The following FAM184A variants were observed in gnomAD, a reference collection of about 807,000 sequenced individuals.
The protein encoded by FAM184A is protein FAM184A.
FAM184A carries 99 observed loss-of-function variants against 143.8 expected under a neutral mutation model. The ratio of observed to expected loss-of-function variants is 0.69; its 90% CI spans 0.58 to 0.81. The LOEUF (loss-of-function observed/expected upper bound fraction) is 0.81, where lower values mean the gene tolerates loss of function less well. FAM184A is among the 40% of genes least tolerant of loss of function. The pLI is 0.00. For missense variants in FAM184A, 1,217 were observed against 1,310.5 expected (o/e 0.93, Z 1.10); for synonymous variants, 427 against 446.4 (o/e 0.96, Z 0.55).
At position 118,980,281 on chromosome 6, in the gene FAM184A, C is replaced by T. The variant is rs767951992; in HGVS notation, c.2158G>A (p.Ala720Thr). 3.0e-5 allele frequency: 48 copies of T among 1,614,082 alleles called. No individual in the cohort carries two copies. Among genetic ancestry groups the T allele is most frequent in the Non-Finnish European group, 3.8e-5 (45 of 1,180,008 alleles). ...CGCTGTCGTTCTTGCGTAAACTGGG[C>T]TTGCAGTTGTTGCAAAGAAGTCTGA... ...QSQTSLQQLQ[A>T]QFTQERQRLT... The change falls in exon 10 of 18, where the codon GCC becomes ACC. Residue 720 changes from alanine to threonine, a missense_variant. Ala to Thr is a moderately conservative substitution (Grantham distance 58, BLOSUM62 0). Transcript: ENST00000338891.
chr6:119,013,965 G>A (rs774838652), intron 5 of FAM184A, among the ~76,000 whole-genome samples: 2 of 152,182 alleles, frequency 1.3e-5, no homozygotes, highest in Non-Finnish European at 2.9e-5. Flanking sequence ...TTTGTAAACT[G>A]TAAAGTACCA....
chr6:119,085,806 A>C (rs1218209463), intron 1 of FAM184A, among the ~76,000 whole-genome samples: 1 of 152,212 alleles, frequency 6.6e-6, no homozygotes, highest in Non-Finnish European at 1.5e-5. Flanking sequence ...GGCCTCAGGA[A>C]ACTTGCAATC....
chr6:119,023,966 T>C lies in FAM184A; in HGVS notation c.1007A>G (p.Asn336Ser), dbSNP rs1346420673. 5.1e-6 allele frequency: 8 copies of C among 1,573,680 alleles called. No homozygotes were observed. Among genetic ancestry groups the C allele is most frequent in the Non-Finnish European group, 5.1e-6 (6 of 1,167,304 alleles). ...LQTALAIAEN[N>S]VQVLQKQLDD... ...ATAATATTCTTTACTTACCTGAACA[T>C]TGTTCTCTGCTATGGCAAGTGCCGT... The change falls in exon 2 of 18, where the codon AAT (asparagine) becomes AGT (serine). Residue 336 changes from asparagine (N) to serine (S), a missense_variant. Asn to Ser is a conservative substitution (Grantham distance 46). Coordinates refer to ENST00000338891, the MANE Select transcript of FAM184A (RefSeq NM_024581.6).
intron 1 of FAM184A, among the ~76,000 whole-genome samples, chr6:119,117,632 C>T (rs1789094653): frequency 1.3e-5 from 2 of 152,158 alleles, no homozygotes; most frequent in Admixed American, 1.3e-4. Flanking sequence ...TTATGAAGTA[C>T]TTTATCTTAG....
At position 119,024,727 on chromosome 6, in the gene FAM184A, T is replaced by C. The variant is rs774322951; in HGVS notation, c.246A>G (p.Gln82=). 54 of 1,613,846 alleles carry C rather than the reference T, an allele frequency of 3.3e-5. No homozygotes were observed. The South Asian group carries it at 5.9e-4, about 18-fold the overall frequency. ...LKDAHEEEIQ[Q]ILAETREKIL... ...TTTTTTCTCTTGTTTCAGCAAGAAT[T>C]TGTTGAATTTCTTCTTCATGAGCAT... The change falls in exon 2 of 18, where the codon CAA becomes CAG. Residue 82 remains glutamine (Q), a synonymous_variant. Transcript: ENST00000338891.
chr6:119,120,835 T>C (rs376706659), intron 1 of FAM184A, among the ~76,000 whole-genome samples: 1 of 145,210 alleles, frequency 6.9e-6, no homozygotes, highest in Non-Finnish European at 1.5e-5. Flanking sequence ...TTCCTTTCTT[T>C]CTTTCTTTCT....
chr6:119,054,566 C>T (rs1786887876), intron 1 of FAM184A, among the ~76,000 whole-genome samples: 1 of 152,176 alleles, frequency 6.6e-6, no homozygotes, highest in Non-Finnish European at 1.5e-5. Context: ...AATTCTATTA[C>T]ACTGGGGATT....
chr6:118,984,813 G>T (rs532995160), intron 9 of FAM184A, among the ~76,000 whole-genome samples: 1 of 152,156 alleles, frequency 6.6e-6, no homozygotes, highest in Admixed American at 6.5e-5. Context: ...AATCATCTCT[G>T]CAGATTTTCA....
chr6:119,072,391 A>G (rs1365882245), intron 1 of FAM184A, among the ~76,000 whole-genome samples: 2 of 152,224 alleles, frequency 1.3e-5, no homozygotes, highest in Admixed American at 1.3e-4. Flanking sequence ...GGCATGTACT[A>G]GTGCTAAGGT....
At chr6:119,033,664 C>CAAAAAA (rs532353203) in intron 1 of FAM184A, among the ~76,000 whole-genome samples, 1 of 110,230 alleles carries the variant, frequency 9.1e-6, no homozygotes, top group Non-Finnish European at 1.9e-5. Context: ...GACTCCGTCT[C>CAAAAAA]AAAAAAAAAA....
At position 119,011,314 on chromosome 6, in the gene FAM184A, G is replaced by C. The variant is rs1785081187; in HGVS notation, c.1648C>G (p.Gln550Glu). Reference protein sequence around the residue: ...VLEDKLNTANQEIGHLQDMVR... With the variant: ...VLEDKLNTANEEIGHLQDMVR... ...CAGGTCTAAAGAATTCTTGCCTCTT[G>C]ATTGGCTGTATTCAACTTGTCTTCC... The change falls in exon 6 of 18, where the codon CAA becomes GAA. Residue 550 changes from glutamine (Q) to glutamate (E), a missense_variant. Gln to Glu is a conservative substitution (Grantham distance 29). Transcript: ENST00000338891. The C allele has an allele frequency of 6.2e-7, 1 of 1,607,704 alleles. No individual in the cohort carries two copies. The highest frequency in any genetic ancestry group is 2.2e-5 in the East Asian group (1 of 44,466).
At chr6:119,020,355 T>C (rs1451188565) in intron 3 of FAM184A, among the ~76,000 whole-genome samples, 196 bp from the exon 4 acceptor site, 1 of 152,208 alleles carries the variant, frequency 6.6e-6, no homozygotes, top group Non-Finnish European at 1.5e-5. Flanking sequence ...ACTAGAATAA[T>C]TTAAATTAAA....
At chr6:119,058,351 C>T (rs899196164) in intron 1 of FAM184A, among the ~76,000 whole-genome samples, 1 of 151,836 alleles carries the variant, frequency 6.6e-6, no homozygotes, top group Non-Finnish European at 1.5e-5. Flanking sequence ...CAGGTGTGCG[C>T]CACCACATCT....
chr6:118,984,478 T>C (rs1784129311), intron 9 of FAM184A, among the ~76,000 whole-genome samples: 1 of 151,628 alleles, frequency 6.6e-6, no homozygotes. Flanking sequence ...GTGCCCAGCC[T>C]ACTTTTTACA....
intron 1 of FAM184A, among the ~76,000 whole-genome samples, chr6:119,115,970 A>ACACACACACACACAC (rs1789047606): frequency 7.3e-6 from 1 of 137,294 alleles, no homozygotes; most frequent in Non-Finnish European, 1.6e-5. Flanking sequence ...CTCCGTCTCA[A>ACACACACACACACAC]ACACACACAC....
At chr6:118,963,232 A>G (rs867442416) in intron 16 of FAM184A, 2 of 152,164 alleles carry the variant, frequency 1.3e-5, no homozygotes, top group South Asian at 2.1e-4. Context: ...TTAAGAAATC[A>G]AAAGAATACT....
chr6:119,035,605 A>C (rs370040066), intron 1 of FAM184A, among the ~76,000 whole-genome samples: 2 of 152,092 alleles, frequency 1.3e-5, no homozygotes, highest in South Asian at 2.1e-4. Context: ...ATTAACTAAG[A>C]GTCTGGTATC....
Position 119,024,147 on chromosome 6 carries a change from T to G in FAM184A, c.826A>C (p.Ser276Arg). The stretch of plus-strand genomic sequence containing the variant: ...TCCTTTTCTTTGCTGGCCTGTAGGC[T>G]TTCTGCTGTAAAAAGCTGTGACCTT... ...LKRSQLFTAE[S>R]LQASKEKEAD... is the part of the protein sequence containing the mutation. The change falls in exon 2 of 18, where the codon AGC becomes CGC. Residue 276 changes from serine to arginine, a missense_variant. By Grantham distance (110) the Ser-to-Arg change is moderately radical. Coordinates refer to ENST00000338891, the MANE Select transcript of FAM184A (RefSeq NM_024581.6). The G allele has an allele frequency of 1.2e-6, 2 of 1,614,208 alleles. No homozygotes were observed. The highest frequency in any genetic ancestry group is 1.7e-6 in the Non-Finnish European group (2 of 1,180,032).
intron 1 of FAM184A, among the ~76,000 whole-genome samples, chr6:119,144,100 G>A (rs1421511490): frequency 2.0e-5 from 3 of 151,920 alleles, no homozygotes; most frequent in Admixed American, 1.3e-4. Flanking sequence ...GGCCGAGGCG[G>A]GTGGATCACG....
Sources: gnomAD v4.1 joint callset for allele counts (sites outside exome capture counted in the v4.1 genomes callset) on GRCh38, gnomAD v4.1.1 for gene constraint, MANE v1.5 for transcripts, NCBI Gene and HGNC (gene_info 2026-07-23, HGNC 2026-07-21) for gene names.